SYT10: variants seen among roughly 807,000 people sequenced by gnomAD.
SYT10 encodes the protein synaptotagmin 10, also known as synaptotagmin-10.
SYT10 carries 31 observed loss-of-function variants against 51.1 expected under a neutral mutation model. That is an observed-to-expected ratio of 0.61 (90% CI 0.46 to 0.82). SYT10 has a LOEUF of 0.82. Among genes scored for constraint, SYT10 ranks in the 40% least tolerant of loss-of-function variants. The pLI, the probability that SYT10 is intolerant of heterozygous loss-of-function variation, is 0.00. For synonymous variants in SYT10, 233 were observed against 225.9 expected (o/e 1.03, Z -0.28); for missense variants, 603 against 634.0 (o/e 0.95, Z 0.53).
chr12:33,418,397 A>G (rs1866473516), intron 2 of SYT10, among the ~76,000 whole-genome samples: 1 of 152,078 alleles, frequency 6.6e-6, no homozygotes, highest in African/African-American at 2.4e-5. Context: ...TGATGATATC[A>G]TCTCCTCGCT....
chr12:33,392,985 T>TAAAAAAAAAAAAAAAAA (rs71068378), intron 3 of SYT10, among the ~76,000 whole-genome samples: 10 of 59,086 alleles, frequency 1.7e-4, no homozygotes, highest in Non-Finnish European at 2.4e-4. Context: ...TTTTTGCCAT[T>TAAAAAAAAAAAAAAAAA]AAAAAAAAAA....
At chr12:33,412,919 A>G (rs1487323437) in intron 2 of SYT10, among the ~76,000 whole-genome samples, 2 of 152,166 alleles carry the variant, frequency 1.3e-5, no homozygotes, top group Non-Finnish European at 2.9e-5. Flanking sequence ...CCATCCAAAA[A>G]AACTAAAAAC....
At chr12:33,432,762 T>C (rs1464213583) in intron 1 of SYT10, 2 of 152,092 alleles carry the variant, frequency 1.3e-5, no homozygotes, top group Non-Finnish European at 2.9e-5. Flanking sequence ...TTGACTGTCA[T>C]GTTATCTAGT....
At chr12:33,389,681 G>A (rs528786840) in intron 3 of SYT10, among the ~76,000 whole-genome samples, 1 of 152,226 alleles carries the variant, frequency 6.6e-6, no homozygotes, top group African/African-American at 2.4e-5. Context: ...TGTGGTGATA[G>A]CAGTCATTAC....
In SYT10 at chr12:33,385,045, TC is replaced by T. The variant is rs1866145442; in HGVS notation, c.1198+125del. 3.5e-6 allele frequency: 4 copies of T among 1,156,330 alleles called. No individual in the cohort carries two copies. In the East Asian group the frequency reaches 7.5e-5, roughly 22 times the overall value. 71.6% of individuals were successfully genotyped at this position (1,156,330 alleles called of 1,614,324 possible). A position where few individuals can be genotyped will look rare whatever the true frequency, so the allele number is the denominator to read the frequency against. Reference sequence around the variant, plus strand: ...TGAATTGGAACATTTAAATTTGTAATCTTTTTTTTTCTTTTGTAGTACTCCC... The same window carrying T: ...TGAATTGGAACATTTAAATTTGTAATTTTTTTTTTCTTTTGTAGTACTCCC... On this transcript the variant is annotated intron_variant, in intron 4 of 6. Transcript: ENST00000228567.
Position 33,385,238 on chromosome 12 carries a change from A to AG in SYT10, c.1130dup (p.Gly378TrpfsTer9). 1.9e-6 allele frequency: 3 copies of AG among 1,613,758 alleles called. No individual in the cohort carries two copies. Among genetic ancestry groups the AG allele is most frequent in the Non-Finnish European group, 1.7e-6 (2 of 1,179,798 alleles). ...TAATGACTGTCAATGTCATACGCCC[A>AG]GCCGTCGGTAGGTAACAAAGGGAAA... On this transcript the variant is annotated frameshift_variant, in exon 4 of 7. Transcript: ENST00000228567. LOFTEE classifies it high-confidence loss of function.
In SYT10 at chr12:33,385,202, A is replaced by G; in HGVS notation, c.1167T>C (p.Asn389=). 2 of 1,613,698 alleles carry G rather than the reference A, an allele frequency of 1.2e-6. No individual in the cohort carries two copies. The highest frequency in any genetic ancestry group is 1.7e-6 in the Non-Finnish European group (2 of 1,179,760). Reference sequence around the variant, plus strand: ...AGCCAGTAATATCCATCGCCTTCAGATTTCTGCACTTAATGACTGTCAATG... The same window carrying G: ...AGCCAGTAATATCCATCGCCTTCAGGTTTCTGCACTTAATGACTGTCAATG... ...RMTLTVIKCR[N]LKAMDITGSS... The change falls in exon 4 of 7, where the codon AAT becomes AAC. Residue 389 remains asparagine (N), a synonymous_variant. Coordinates refer to ENST00000228567, the MANE Select transcript of SYT10 (RefSeq NM_198992.4).
At chr12:33,402,532 T>C (rs540753841) in intron 3 of SYT10, among the ~76,000 whole-genome samples, 16 of 152,328 alleles carry the variant, frequency 1.1e-4, no homozygotes, top group African/African-American at 3.8e-4. Flanking sequence ...GGCATATACT[T>C]TATTTCTTTG....
intron 1 of SYT10, among the ~76,000 whole-genome samples, chr12:33,431,822 G>A (rs1866599188): frequency 6.6e-6 from 1 of 152,104 alleles, no homozygotes; most frequent in South Asian, 2.1e-4. Context: ...GAAATGGGTG[G>A]TGAAGGTGGT....
intron 6 of SYT10, among the ~76,000 whole-genome samples, chr12:33,379,485 T>TTCCAGTTA (rs1866094128): frequency 1.4e-5 from 2 of 146,808 alleles, no homozygotes; most frequent in Non-Finnish European, 3.0e-5. Flanking sequence ...AAAATGCAGT[T>TTCCAGTTA]TCCAGTTAGT....
chr12:33,381,318 A>AGCACAT (rs1355534778), intron 5 of SYT10, among the ~76,000 whole-genome samples: 1 of 152,098 alleles, frequency 6.6e-6, no homozygotes, highest in Admixed American at 6.6e-5. Context: ...GCCAGAGGAG[A>AGCACAT]GCACATTAAT....
At chr12:33,396,850 G>C (rs1462995608) in intron 3 of SYT10, among the ~76,000 whole-genome samples, 5 of 152,102 alleles carry the variant, frequency 3.3e-5, no homozygotes, top group Non-Finnish European at 7.4e-5. Flanking sequence ...ATGTTGGCCA[G>C]GATGGTCTCA....
intron 3 of SYT10, among the ~76,000 whole-genome samples, chr12:33,389,263 CG>C (rs1398870600): frequency 2.6e-5 from 4 of 151,940 alleles, no homozygotes; most frequent in Admixed American, 2.6e-4. Context: ...GTGGAAAGGG[CG>C]TAGGTTCCTG....
At chr12:33,419,795 C>T (rs1457978076) in intron 2 of SYT10, among the ~76,000 whole-genome samples, 1 of 152,150 alleles carries the variant, frequency 6.6e-6, no homozygotes, top group Non-Finnish European at 1.5e-5. Flanking sequence ...TTCATAGCTT[C>T]TGATCTACAG....
Position 33,385,251 on chromosome 12 carries a change from T to C in SYT10, c.1118A>G (p.Tyr373Cys), listed in dbSNP as rs1866147796. 6.2e-7 allele frequency: 1 copy of C among 1,613,534 alleles called. No individual in the cohort carries two copies. The highest frequency in any genetic ancestry group is 8.5e-7 in the Non-Finnish European group (1 of 1,179,776). Residue 373 changes from tyrosine (Y) to cysteine (C), a missense_variant, in exon 4 of 7, where the codon TAC (tyrosine) becomes TGC (cysteine). Tyr to Cys is a radical substitution (Grantham distance 194). Coordinates refer to ENST00000228567, the MANE Select transcript of SYT10 (RefSeq NM_198992.4). ...DLGEIMFSLC[Y>C]LPTAGRMTLT... ...TGTCATACGCCCAGCCGTCGGTAGG[T>C]AACAAAGGGAAAACATGATTTCACC... is the stretch of plus-strand genomic sequence containing the variant.
Position 33,439,526 on chromosome 12 carries a change from T to A in SYT10, c.-4A>T. On this transcript the variant is annotated 5_prime_UTR_variant, in exon 1 of 7. Transcript: ENST00000228567. The stretch of plus-strand genomic sequence containing the variant: ...CGTCCTCCTTGTGGAAACTCATCGT[T>A]TGGCTTTTCTTTCGTTTTCTCTTTT... The A allele has an allele frequency of 6.2e-7, 1 of 1,611,924 alleles. No individual in the cohort carries two copies.
intron 1 of SYT10, 142 bp downstream of exon 1, chr12:33,439,230 G>T: frequency 9.1e-7 from 1 of 1,096,788 alleles, no homozygotes; most frequent in Non-Finnish European, 1.3e-6. Context: ...GGAGCTGAGC[G>T]AAGGAAGGAG....
At chr12:33,418,097 T>C (rs1437430145) in intron 2 of SYT10, among the ~76,000 whole-genome samples, 1 of 152,212 alleles carries the variant, frequency 6.6e-6, no homozygotes. Flanking sequence ...CAGCTTTTCA[T>C]ATACTGTACC....
At chr12:33,410,497 A>G (rs993959803) in intron 2 of SYT10, among the ~76,000 whole-genome samples, 5 of 151,132 alleles carry the variant, frequency 3.3e-5, no homozygotes, top group Non-Finnish European at 7.4e-5. Flanking sequence ...CTACTGTACT[A>G]TTCACAGACT....
Sources: gnomAD v4.1 joint callset for allele counts (sites outside exome capture counted in the v4.1 genomes callset) on GRCh38, gnomAD v4.1.1 for gene constraint, MANE v1.5 for transcripts, NCBI Gene and HGNC (gene_info 2026-07-23, HGNC 2026-07-21) for gene names.